The following MFSD1 variants were observed in gnomAD, a reference collection of about 807,000 sequenced individuals.
The protein encoded by MFSD1 is lysosomal dipeptide transporter MFSD1.
Under a neutral mutation model 67.1 loss-of-function variants are expected in MFSD1, and 59 were observed. That is an observed-to-expected ratio of 0.88 (90% confidence interval 0.71 to 1.09). MFSD1 has a LOEUF of 1.09. MFSD1 is among the 50% of genes least tolerant of loss of function. The pLI, the probability that MFSD1 is intolerant of heterozygous loss-of-function variation, is 0.00. For synonymous variants in MFSD1, 213 were observed against 200.3 expected (o/e 1.06, Z -0.54); for missense variants, 552 against 566.1 (o/e 0.97, Z 0.25).
Position 158,802,076 on chromosome 3 carries a change from C to T in MFSD1, c.-77C>T, listed in dbSNP as rs764489192. 824 of 1,567,756 alleles carry T rather than the reference C, an allele frequency of 5.3e-4. No homozygotes were observed. Among genetic ancestry groups the T allele is most frequent in the Non-Finnish European group, 6.9e-4 (807 of 1,161,772 alleles). ...CGGAGTCATGTGACCGCCGTCTTGA[C>T]AGTGTTCCACGGGCGCTGCTTCCTG... On this transcript the variant is annotated 5_prime_UTR_variant, in exon 1 of 16. Transcript: ENST00000415822.
rs1237879415 is a variant in MFSD1 at position 158,821,923 on chromosome 3, C to T, written c.921-61C>T. 1.9e-6 allele frequency: 3 copies of T among 1,542,014 alleles called. No homozygotes were observed. The Admixed American group carries it at 5.2e-5, about 26-fold the overall frequency. On this transcript the variant is annotated intron_variant, in intron 10 of 15. Coordinates refer to ENST00000415822, the MANE Select transcript of MFSD1 (RefSeq NM_022736.4). Reference sequence around the variant, plus strand: ...CTTTGCCTGATATTTTCAAGACTTTCTTGAAACTGATGTTTGACTGTGTTG... The same window carrying T: ...CTTTGCCTGATATTTTCAAGACTTTTTTGAAACTGATGTTTGACTGTGTTG...
At chr3:158,822,262 C>T in intron 11 of MFSD1, 122 bp downstream of exon 11, 2 of 702,082 alleles carry the variant, frequency 2.8e-6, no homozygotes, top group Non-Finnish European at 4.5e-6. Context: ...GAGATGACAA[C>T]TTGATTCCAA....
At chr3:158,827,976 G>GAGAGAGACAGACAGAC (rs1553759912) in intron 15 of MFSD1, among the ~76,000 whole-genome samples, 3 of 78,914 alleles carry the variant, frequency 3.8e-5, no homozygotes, top group East Asian at 8.5e-4. Context: ...GAGAGAGAGA[G>GAGAGAGACAGACAGAC]AGACAGAGAT....
chr3:158,803,558 T>C (rs1261076286), intron 1 of MFSD1, among the ~76,000 whole-genome samples: 1 of 152,158 alleles, frequency 6.6e-6, no homozygotes, highest in Admixed American at 6.5e-5. Flanking sequence ...TGCCTAGAAT[T>C]CAGAAGCCAG....
In MFSD1 at chr3:158,826,974, C is replaced by G. The variant is rs575098996; in HGVS notation, c.1337-306C>G. 1.9e-4 allele frequency among the ~76,000 whole-genome samples: 29 copies of G among 152,180 alleles called. No individual in the cohort carries two copies. In the South Asian group the frequency reaches 6.0e-3, roughly 32 times the overall value. ...CACCTGTTCATTTCCTTTAATTTCT[C>G]TTAATTTTCACTATTATTGAATATT... On this transcript the variant is annotated intron_variant, in intron 14 of 15. Transcript: ENST00000415822.
chr3:158,815,951 G>A (rs953052208), intron 7 of MFSD1, among the ~76,000 whole-genome samples: 21 of 151,840 alleles, frequency 1.4e-4, no homozygotes, highest in Middle Eastern at 3.4e-3. Flanking sequence ...ATGATTTCCA[G>A]TTTCATCCAT....
chr3:158,802,360 G>A, intron 1 of MFSD1, 45 bp downstream of exon 1: 1 of 1,605,706 alleles, frequency 6.2e-7, no homozygotes, highest in Non-Finnish European at 8.5e-7. Context: ...AGGAATTCCC[G>A]ACTTTCTCTT....
chr3:158,804,813 G>T (rs1019472227), intron 2 of MFSD1, among the ~76,000 whole-genome samples: 1 of 152,144 alleles, frequency 6.6e-6, no homozygotes, highest in Non-Finnish European at 1.5e-5. Context: ...GTCTGGTTTT[G>T]TATTGTAAGA....
chr3:158,826,079 A>T lies in MFSD1; in HGVS notation c.1336+17A>T, dbSNP rs369649915. On this transcript the variant is annotated intron_variant, in intron 14 of 15. Coordinates refer to ENST00000415822, the MANE Select transcript of MFSD1 (RefSeq NM_022736.4). ...GTGCCCAGGGTAAGTAGAAGATCTG[A>T]TATTTGCTTCTTAAACCGCAGTGGA... 6 of 1,611,492 alleles carry T rather than the reference A, an allele frequency of 3.7e-6. No homozygotes were observed. The highest frequency in any genetic ancestry group is 4.2e-6 in the Non-Finnish European group (5 of 1,177,884).
intron 11 of MFSD1, 22 bp downstream of exon 11, chr3:158,822,162 G>A: frequency 6.3e-7 from 1 of 1,591,724 alleles, no homozygotes; most frequent in Non-Finnish European, 8.6e-7. Context: ...GTTAGCCCAT[G>A]GTGGGGTCAG....
chr3:158,811,813 G>A (rs1730039191), intron 6 of MFSD1, among the ~76,000 whole-genome samples: 1 of 152,096 alleles, frequency 6.6e-6, no homozygotes, highest in South Asian at 2.1e-4. Flanking sequence ...CTAGCTAATG[G>A]CATTACTCAA....
chr3:158,823,557 T>G, intron 12 of MFSD1, 32 bp downstream of exon 12: 1 of 1,374,414 alleles, frequency 7.3e-7, no homozygotes, highest in East Asian at 2.3e-5. Flanking sequence ...CGTATATGTC[T>G]GTCTCTGCTA....
At chr3:158,809,043 C>T in intron 5 of MFSD1, 136 bp from the exon 6 acceptor site, 1 of 566,448 alleles carries the variant, frequency 1.8e-6, no homozygotes, top group South Asian at 2.6e-5. Flanking sequence ...ACAAGCCCAC[C>T]TGGATTCAAG....
chr3:158,822,015 C>T lies in MFSD1; in HGVS notation c.952C>T (p.Pro318Ser). ...ATATGTCATATCAGCTCCCATGTCC[C>T]CGGTGTTTGGGCTCCTGGTGGATAA... ...VVYVISAPMS[P>S]VFGLLVDKTG... Residue 318 changes from proline to serine, a missense_variant, in exon 11 of 16, where the codon CCG (proline) becomes TCG (serine). Physicochemically the swap from Pro to Ser is moderately conservative, Grantham distance 74. Transcript: ENST00000415822. The T allele has an allele frequency of 6.2e-7, 1 of 1,613,824 alleles. No individual in the cohort carries two copies. Among genetic ancestry groups the T allele is most frequent in the Non-Finnish European group, 8.5e-7 (1 of 1,179,812 alleles).
chr3:158,806,985 A>T, intron 3 of MFSD1, 55 bp from the exon 4 acceptor site: 1 of 1,471,072 alleles, frequency 6.8e-7, no homozygotes, highest in Non-Finnish European at 9.4e-7. Flanking sequence ...AACAGAAATT[A>T]AGATTTTTTT....
chr3:158,809,170 T>A lies in MFSD1; in HGVS notation c.441-9T>A. The stretch of plus-strand genomic sequence containing the variant: ...GACTTCTGGTTTTTTTTTTTTTTTC[T>A]ATTTTTAGGATTGGTGGCGAGTCCT... On this transcript the variant is annotated splice_polypyrimidine_tract_variant and intron_variant, in intron 5 of 15. Transcript: ENST00000415822. The A allele has an allele frequency of 4.7e-6, 7 of 1,492,654 alleles. No individual in the cohort carries two copies. The highest frequency in any genetic ancestry group is 5.4e-6 in the Non-Finnish European group (6 of 1,106,556). The allele number at this position is 1,492,654 out of a possible 1,614,324, so 92.5% of individuals were successfully genotyped here.
At chr3:158,825,408 CCTTTGGGA>C (rs1187398310) in intron 13 of MFSD1, 1 of 152,182 alleles carries the variant, frequency 6.6e-6, no homozygotes, top group Non-Finnish European at 1.5e-5. Flanking sequence ...GCTCCTCCTG[CCTTTGGGA>C]TTACAGGCAT....
intron 7 of MFSD1, among the ~76,000 whole-genome samples, chr3:158,819,021 A>G (rs1227332171): frequency 1.3e-5 from 2 of 152,186 alleles, no homozygotes; most frequent in Non-Finnish European, 2.9e-5. Context: ...TTAAAGATTC[A>G]TTTATTTTAT....
In MFSD1 at chr3:158,827,976, G is replaced by GAGAGAGAGAGAGAGAGAGAGAC. The variant is rs1553759912; in HGVS notation, c.1394+642_1394+643insGAGAGAGAGAGAGAGAGACAGA. On this transcript the variant is annotated intron_variant, in intron 15 of 15. Coordinates refer to ENST00000415822, the MANE Select transcript of MFSD1 (RefSeq NM_022736.4). ...AGAGAGAGAGAGAGAGAGAGAGAGAGAGACAGAGATCGATCTATATTACTT... is the reference window on the plus strand; with the variant it reads ...AGAGAGAGAGAGAGAGAGAGAGAGAGAGAGAGAGAGAGAGAGAGAGACAGACAGAGATCGATCTATATTACTT... Among the ~76,000 whole-genome samples, 14 of 78,894 alleles carry GAGAGAGAGAGAGAGAGAGAGAC rather than the reference G, an allele frequency of 1.8e-4. 1 individual carries two copies. The highest frequency in any genetic ancestry group is 2.0e-4 in the Non-Finnish European group (8 of 39,602). 51.8% of individuals were successfully genotyped at this position (78,894 alleles called of 152,430 possible). A position where few individuals can be genotyped will look rare whatever the true frequency, so the allele number is the denominator to read the frequency against.
Sources: allele counts gnomAD v4.1 joint callset (sites outside exome capture counted in the v4.1 genomes callset), GRCh38; gene constraint gnomAD v4.1.1; transcripts MANE v1.5; gene names NCBI Gene and HGNC (gene_info 2026-07-23, HGNC 2026-07-21).